CUX2: variants seen among roughly 807,000 people sequenced by gnomAD.
The protein encoded by CUX2 is cut like homeobox 2, also known as homeobox protein cut-like 2.
A neutral mutation model predicts 144.8 loss-of-function variants in CUX2; 40 were observed. That is an observed-to-expected ratio of 0.28 (90% CI 0.21 to 0.36). The LOEUF is 0.36. Among genes scored for constraint, CUX2 ranks in the 10% least tolerant of loss-of-function variants. The probability of loss-of-function intolerance (pLI) is 1.00; values close to 1 mark genes in which losing one functional copy is unlikely to be tolerated. For missense variants in CUX2, 1,615 were observed against 1,994.0 expected, an observed-to-expected ratio of 0.81 and a Z score of 3.62; for synonymous variants, 827 against 875.6, an observed-to-expected ratio of 0.94 and a Z score of 0.98.
rs937914579 is a variant in CUX2, at chr12:111,297,423, C to T, written c.704+884C>T. Among the ~76,000 whole-genome samples the T allele has an allele frequency of 4.6e-5, 7 of 152,342 alleles. No individual in the cohort carries two copies. The South Asian group carries it at 1.0e-3, about 23-fold the overall frequency. On this transcript the variant is annotated intron_variant, in intron 8 of 21. Coordinates refer to ENST00000261726, the MANE Select transcript of CUX2 (RefSeq NM_015267.4). ...CATTAAGCACCTCTGCTCCTCACCC[C>T]CAAAGGCACACAGCTGTCATTTGCT...
At chr12:111,298,419 C>T in intron 8 of CUX2, 122 bp from the exon 9 acceptor site, 1 of 977,900 alleles carries the variant, frequency 1.0e-6, no homozygotes. Flanking sequence ...AGCCCGATTT[C>T]TCTCCTGTAG....
At chr12:111,066,385 T>C (rs1377929657) in intron 1 of CUX2, among the ~76,000 whole-genome samples, 3 of 152,180 alleles carry the variant, frequency 2.0e-5, no homozygotes, top group Non-Finnish European at 4.4e-5. Flanking sequence ...GTAATGAAAA[T>C]TAGTTTCTCC....
In CUX2 at chr12:111,295,024, C is replaced by A. The variant is rs1885899261; in HGVS notation, c.561-309C>A. 6.6e-6 allele frequency among the ~76,000 whole-genome samples: 1 copy of A among 152,152 alleles called. No homozygotes were observed. ...GCATGCTTCACAGTACCCCCTGAGG[C>A]AGACCCTATCAGAAACCTCATTTTA... On this transcript the variant is annotated intron_variant, in intron 6 of 21. Coordinates refer to ENST00000261726, the MANE Select transcript of CUX2 (RefSeq NM_015267.4). This position sits in a 1 kb window ranked among gnomAD's most constrained non-coding sequence, Gnocchi z 5.0.
intron 18 of CUX2, among the ~76,000 whole-genome samples, chr12:111,330,706 T>TACATATACATATAC (rs1565926089): frequency 8.7e-5 from 2 of 22,920 alleles, no homozygotes; most frequent in Admixed American, 4.7e-4. Context: ...TATATATATA[T>TACATATACATATAC]ATATATATAT....
rs61284372 is a variant in CUX2, at chr12:111,061,420, C to T, written c.63+27180C>T. On this transcript the variant is annotated intron_variant, in intron 1 of 21. Transcript: ENST00000261726. The surrounding 1 kb of genome is among the most constrained non-coding windows in gnomAD (Gnocchi z 4.2). Reference sequence around the variant, plus strand: ...GTAGAAGGGTTTTCGGGGAATCCCACGACTGCAAGTGAAAGAAGGGCTTTT... The same window carrying T: ...GTAGAAGGGTTTTCGGGGAATCCCATGACTGCAAGTGAAAGAAGGGCTTTT... Among the ~76,000 whole-genome samples, 6,873 of 152,098 alleles carry T rather than the reference C, an allele frequency of 0.045. 540 individuals are homozygous for T. Among genetic ancestry groups the T allele is most frequent in the African/African-American group, 0.16 (6,556 of 41,420 alleles).
intron 14 of CUX2, 112 bp downstream of exon 14, chr12:111,308,638 GAAC>G (rs1471461885): frequency 2.3e-6 from 2 of 879,598 alleles, no homozygotes; most frequent in East Asian, 2.6e-5. Context: ...GAGAACGACA[GAAC>G]AACAGGTGTG....
chr12:111,064,021 C>G (rs1870920267), intron 1 of CUX2, among the ~76,000 whole-genome samples: 1 of 152,200 alleles, frequency 6.6e-6, no homozygotes, highest in African/African-American at 2.4e-5. Context: ...TCCTGTCTGG[C>G]TGGCCTTGGA....
intron 1 of CUX2, 22 bp from the exon 2 acceptor site, chr12:111,214,178 T>C: frequency 3.6e-6 from 5 of 1,389,634 alleles, no homozygotes; most frequent in South Asian, 1.4e-5. Context: ...TCTCTCTTTT[T>C]TTTTTTTTTT....
intron 3 of CUX2, among the ~76,000 whole-genome samples, chr12:111,254,986 A>T (rs185029267): frequency 6.6e-6 from 1 of 152,156 alleles, no homozygotes; most frequent in Non-Finnish European, 1.5e-5. Context: ...AGTAGCTGAG[A>T]TTACAGGTAC....
intron 20 of CUX2, among the ~76,000 whole-genome samples, chr12:111,340,798 G>GT (rs968805445): frequency 3.9e-5 from 6 of 152,180 alleles, no homozygotes; most frequent in African/African-American, 1.4e-4. Context: ...ATTTAAGGGG[G>GT]TTTTTACCTT....
At chr12:111,249,745 A>T (rs890959371) in intron 3 of CUX2, among the ~76,000 whole-genome samples, 1 of 152,120 alleles carries the variant, frequency 6.6e-6, no homozygotes. Flanking sequence ...GGCATGAGTC[A>T]CTACGCCCAG....
At chr12:111,074,699 T>C (rs987186731) in intron 1 of CUX2, among the ~76,000 whole-genome samples, 3 of 151,990 alleles carry the variant, frequency 2.0e-5, no homozygotes, top group African/African-American at 7.3e-5. Context: ...ACCAACTGCA[T>C]TGATTTCTGG....
At chr12:111,317,968 C>T (rs1003913993) in intron 16 of CUX2, among the ~76,000 whole-genome samples, 3 of 152,090 alleles carry the variant, frequency 2.0e-5, no homozygotes, top group Non-Finnish European at 2.9e-5. Flanking sequence ...CCACTGCACT[C>T]CAGCCTGGGC....
chr12:111,169,202 A>G (rs568450201), intron 1 of CUX2, among the ~76,000 whole-genome samples: 1 of 152,172 alleles, frequency 6.6e-6, no homozygotes, highest in Non-Finnish European at 1.5e-5. Context: ...GTGATGACAG[A>G]GGCAGGGATG....
chr12:111,173,950 T>C (rs969715510), intron 1 of CUX2, among the ~76,000 whole-genome samples: 2 of 152,126 alleles, frequency 1.3e-5, no homozygotes, highest in Admixed American at 6.5e-5. Flanking sequence ...AAACTGCACG[T>C]ACAAAGGTCC....
chr12:111,088,189 T>A (rs553074362), intron 1 of CUX2, among the ~76,000 whole-genome samples: 1 of 152,082 alleles, frequency 6.6e-6, no homozygotes, highest in South Asian at 2.1e-4. Context: ...CTGGGGGTGA[T>A]GAAATGCTCT....
In CUX2 at chr12:111,347,979, G is replaced by A. The variant is rs749911912; in HGVS notation, c.4115G>A (p.Arg1372Gln). The change falls in exon 22 of 22, where the codon CGA (arginine) becomes CAA (glutamine). Residue 1372 changes from arginine (R) to glutamine (Q), a missense_variant. Arg to Gln is a conservative substitution (Grantham distance 43). Transcript: ENST00000261726. The part of the protein sequence containing the change: ...HPQQESEAGE[R>Q]LHPDPLSFKS... ...CAACAGGAGAGTGAGGCCGGGGAGC[G>A]ACTTCACCCGGACCCTTTAAGTTTT... 26 of 1,613,986 alleles carry A rather than the reference G, an allele frequency of 1.6e-5. No individual in the cohort carries two copies. The highest frequency in any genetic ancestry group is 5.3e-5 in the African/African-American group (4 of 74,888).
At chr12:111,099,111 G>T (rs1873025404) in intron 1 of CUX2, among the ~76,000 whole-genome samples, 2 of 152,372 alleles carry the variant, frequency 1.3e-5, no homozygotes, top group East Asian at 1.9e-4. Context: ...GAACTGGGTT[G>T]CCCATTCAAT....
intron 1 of CUX2, among the ~76,000 whole-genome samples, chr12:111,079,203 C>T (rs910707973): frequency 2.6e-5 from 4 of 152,204 alleles, no homozygotes; most frequent in Non-Finnish European, 5.9e-5. Context: ...TGGTCTAAGA[C>T]TTTCCTTCTG....
Sources: allele counts gnomAD v4.1 joint callset (sites outside exome capture counted in the v4.1 genomes callset), GRCh38; gene constraint gnomAD v4.1.1; non-coding constraint Gnocchi (gnomAD v3.1); transcripts MANE v1.5; gene names NCBI Gene and HGNC (gene_info 2026-07-23, HGNC 2026-07-21).